RMP24: variants seen among roughly 807,000 people sequenced by gnomAD.
RMP24 encodes the protein ribonuclease MRP protein subunit p24.
the RMP24 span, chr18:35,977,533 A>G: frequency 5.6e-6 from 9 of 1,614,196 alleles, no homozygotes; most frequent in East Asian, 8.9e-5. Context: ...GACACCAGAG[A>G]GAAGGACTGC....
chr18:35,977,412 G>A, the RMP24 span: 3 of 1,603,418 alleles, frequency 1.9e-6, no homozygotes, highest in African/African-American at 2.7e-5. Context: ...TATGGTAGTT[G>A]ATCACTTGTA....
chr18:35,978,971 T>G, the RMP24 span: 1 of 1,610,320 alleles, frequency 6.2e-7, no homozygotes, highest in East Asian at 2.2e-5. Context: ...CTTCAGAAAT[T>G]TCTTATCTTC....
the RMP24 span, chr18:35,978,925 TAGTC>T: frequency 1.9e-5 from 30 of 1,613,436 alleles, no homozygotes; most frequent in Non-Finnish European, 2.3e-5. Context: ...AAATGTTACT[TAGTC>T]AGAATGAATC....
At chr18:35,978,597 C>T in the RMP24 span, among the ~76,000 whole-genome samples, 9 of 152,018 alleles carry the variant, frequency 5.9e-5, no homozygotes, top group African/African-American at 9.7e-5. Context: ...GGCGACAGAG[C>T]GAGACTCCGT....
chr18:35,978,798 T>G, the RMP24 span: 1 of 1,525,086 alleles, frequency 6.6e-7, no homozygotes, highest in Non-Finnish European at 8.8e-7. Context: ...GATTGTCATT[T>G]GTTGGTATAA....
At chr18:35,972,850 C>G in the RMP24 span, 217 of 1,614,204 alleles carry the variant, frequency 1.3e-4, no homozygotes, top group African/African-American at 2.7e-3. Flanking sequence ...GGTAGGTGTT[C>G]CTTTGCTCCT....
chr18:35,972,762 C>A, the RMP24 span: 1 of 1,613,668 alleles, frequency 6.2e-7, no homozygotes, highest in Middle Eastern at 1.7e-4. Context: ...GGCTGCAGCG[C>A]GGGGACTGCA....
At chr18:35,979,094 C>A in the RMP24 span, 34 of 1,305,248 alleles carry the variant, frequency 2.6e-5, no homozygotes, top group Admixed American at 2.6e-4. Flanking sequence ...GAAACTAGAT[C>A]TGAATGCAAA....
the RMP24 span, chr18:35,973,107 A>G: frequency 1.0e-5 from 7 of 682,632 alleles, no homozygotes; most frequent in Middle Eastern, 3.8e-4. Flanking sequence ...CATTTGACAC[A>G]TTGATCAGTC....
the RMP24 span, among the ~76,000 whole-genome samples, chr18:35,975,347 A>G: frequency 6.6e-6 from 1 of 152,114 alleles, no homozygotes; most frequent in East Asian, 1.9e-4. Flanking sequence ...GTTGAGCATT[A>G]TTTTTCACAA....
At chr18:35,977,302 A>T in the RMP24 span, 1 of 984,392 alleles carries the variant, frequency 1.0e-6, no homozygotes, top group Non-Finnish European at 1.5e-6. Context: ...ACTTACCCCT[A>T]TAGTATCTGG....
the RMP24 span, chr18:35,974,995 C>T: frequency 2.5e-6 from 4 of 1,613,806 alleles, no homozygotes; most frequent in Admixed American, 1.7e-5. Flanking sequence ...AGGTTGACAC[C>T]CAAAATACAG....
At chr18:35,973,379 C>G in the RMP24 span, 1 of 168,562 alleles carries the variant, frequency 5.9e-6, no homozygotes, top group Admixed American at 5.7e-5. Context: ...CCTCTGAATT[C>G]TAGACTCATA....
the RMP24 span, chr18:35,979,135 G>A: frequency 4.5e-6 from 4 of 896,832 alleles, no homozygotes; most frequent in Admixed American, 9.3e-5. Context: ...TGTTTATGGG[G>A]AAAATACCTC....
the RMP24 span, chr18:35,972,699 C>CGCGGCGAGCCAGCGGCA: frequency 6.3e-7 from 1 of 1,587,828 alleles, no homozygotes; most frequent in African/African-American, 1.3e-5. Flanking sequence ...ACCTGGTTCC[C>CGCGGCGAGCCAGCGGCA]GCGGCGAGCC....
chr18:35,973,408 A>T, the RMP24 span: 85 of 158,422 alleles, frequency 5.4e-4, 1 homozygote, highest in Admixed American at 3.2e-3. Flanking sequence ...TGTCTTCTTG[A>T]CAAATTCTTT....
the RMP24 span, among the ~76,000 whole-genome samples, chr18:35,977,049 G>A: frequency 6.6e-6 from 1 of 152,080 alleles, no homozygotes; most frequent in South Asian, 2.1e-4. Flanking sequence ...CCAACATGGC[G>A]AAACCCTGCC....
the RMP24 span, chr18:35,979,064 A>C: frequency 6.8e-7 from 1 of 1,472,624 alleles, no homozygotes; most frequent in Non-Finnish European, 9.1e-7. Context: ...TTAAACTCTT[A>C]TTCATTTTTT....
the RMP24 span, chr18:35,975,205 T>C: frequency 1.2e-6 from 1 of 855,826 alleles, no homozygotes; most frequent in East Asian, 2.7e-5. Flanking sequence ...TAGTAGTATA[T>C]TTGGATTATC....
Sources: allele counts gnomAD v4.1 joint callset (sites outside exome capture counted in the v4.1 genomes callset), GRCh38; gene constraint gnomAD v4.1.1; transcripts MANE v1.5; gene names NCBI Gene and HGNC (gene_info 2026-07-23, HGNC 2026-07-21).